The following TNPO3 variants were observed in gnomAD, a reference collection of about 807,000 sequenced individuals.
TNPO3 encodes transportin 3.
TNPO3 carries 65 observed loss-of-function variants against 122.8 expected under a neutral mutation model. The observed-to-expected ratio is 0.53, with a 90% confidence interval of 0.43 to 0.65. TNPO3 has a LOEUF of 0.65. Ranked by LOEUF, TNPO3 falls within the 30% of genes least tolerant of loss-of-function variation. The pLI, the probability that TNPO3 is intolerant of heterozygous loss-of-function variation, is 0.00. For synonymous variants in TNPO3, 372 were observed against 411.2 expected, an observed-to-expected ratio of 0.90 and a Z score of 1.15; for missense variants, 850 against 1,136.7, an observed-to-expected ratio of 0.75 and a Z score of 3.63.
rs1803924867 is a variant in TNPO3, at chr7:129,016,997, T to G, written c.381A>C (p.Gln127His). ...AAATTACTTACTTTTCCACCAGTGT[T>G]TGCACACATCCCTTCCAGGAAGGCA... ...LQMPSWKGCVQTLVEKYSNDV... is the reference protein window; with the variant it reads ...LQMPSWKGCVHTLVEKYSNDV... Residue 127 changes from glutamine (Q) to histidine (H), a missense_variant, in exon 3 of 23, where the codon CAA becomes CAC. Physicochemically the swap from Gln to His is conservative, Grantham distance 24. Transcript: ENST00000265388. 6 of 1,613,250 alleles carry G rather than the reference T, an allele frequency of 3.7e-6. No individual in the cohort carries two copies. The highest frequency in any genetic ancestry group is 5.1e-6 in the Non-Finnish European group (6 of 1,179,964).
chr7:129,044,300 T>C (rs1807761190), intron 1 of TNPO3, among the ~76,000 whole-genome samples: 1 of 152,222 alleles, frequency 6.6e-6, no homozygotes, highest in African/African-American at 2.4e-5. Context: ...GTTCCAAATA[T>C]ATTCTCTTGC....
At chr7:129,027,712 C>A (rs1458374216) in intron 1 of TNPO3, among the ~76,000 whole-genome samples, 1 of 151,916 alleles carries the variant, frequency 6.6e-6, no homozygotes, top group Non-Finnish European at 1.5e-5. Flanking sequence ...TCAGTTCACT[C>A]TTTGGCTCCA....
intron 18 of TNPO3, among the ~76,000 whole-genome samples, chr7:128,973,732 T>A (rs1798731779): frequency 2.0e-4 from 3 of 14,874 alleles, no homozygotes; most frequent in Non-Finnish European, 3.6e-4. Flanking sequence ...CGAGACTCCG[T>A]CTCAAAAAAA....
chr7:129,027,558 CAAAAAAAAAAAAAAAA>C (rs71162549), intron 1 of TNPO3, among the ~76,000 whole-genome samples: 7 of 8,962 alleles, frequency 7.8e-4, no homozygotes, highest in African/African-American at 2.3e-3. Context: ...AAGACTGTCT[CAAAAAAAAAAAAAAAA>C]AAAAAAAAAA....
In TNPO3 at chr7:128,957,747, T is replaced by C. The variant is rs148018773; in HGVS notation, c.2712-432A>G. ...TGTAGGCTGCTACAACAACACTTGG[T>C]TGCTACGGCTCTCATAAGTTTCCTC... On this transcript the variant is annotated intron_variant, in intron 21 of 22. Coordinates refer to ENST00000265388, the MANE Select transcript of TNPO3 (RefSeq NM_012470.4). 9.4e-3 allele frequency among the ~76,000 whole-genome samples: 1,432 copies of C among 152,340 alleles called. 29 individuals are homozygous for C. Among genetic ancestry groups the C allele is most frequent in the African/African-American group, 0.029 (1,225 of 41,574 alleles).
chr7:128,994,781 C>T (rs575551426), intron 8 of TNPO3, among the ~76,000 whole-genome samples: 4 of 152,154 alleles, frequency 2.6e-5, no homozygotes, highest in African/African-American at 4.8e-5. Flanking sequence ...ACCTCAGCCC[C>T]GGAGCAGCTG....
intron 1 of TNPO3, among the ~76,000 whole-genome samples, chr7:129,021,831 G>GA (rs1441315100): frequency 4.0e-5 from 6 of 151,882 alleles, no homozygotes; most frequent in South Asian, 4.2e-4. Flanking sequence ...AAAATCTCAG[G>GA]AAAAAAATCA....
Position 128,955,292 on chromosome 7 carries a change from C to T in TNPO3, c.*125G>A, listed in dbSNP as rs1462738644. On this transcript the variant is annotated 3_prime_UTR_variant, in exon 23 of 23. Coordinates refer to ENST00000265388, the MANE Select transcript of TNPO3 (RefSeq NM_012470.4). Reference sequence around the variant, plus strand: ...CCTGTCTGGCGGGACACCCTGGTGGCGGTGAAGGCCCCTCTGCCACAACGG... The same window carrying T: ...CCTGTCTGGCGGGACACCCTGGTGGTGGTGAAGGCCCCTCTGCCACAACGG... 1.5e-5 allele frequency: 7 copies of T among 454,696 alleles called. No homozygotes were observed. Among genetic ancestry groups the T allele is most frequent in the African/African-American group, 4.0e-5 (2 of 49,988 alleles). The allele number at this position is 454,696 out of a possible 1,614,324, so 28.2% of individuals were successfully genotyped here.
intron 1 of TNPO3, among the ~76,000 whole-genome samples, chr7:129,021,323 C>A (rs2150450730): frequency 1.3e-5 from 2 of 150,838 alleles, no homozygotes; most frequent in Middle Eastern, 6.8e-3. Flanking sequence ...CCACTGCACT[C>A]CAGCCTGGGT....
At chr7:129,051,929 C>T (rs1477550239) in intron 1 of TNPO3, among the ~76,000 whole-genome samples, 2 of 152,214 alleles carry the variant, frequency 1.3e-5, no homozygotes, top group African/African-American at 4.8e-5. Flanking sequence ...CAGGCGTGAG[C>T]CACTGCACGC....
chr7:128,977,077 A>C (rs530235181), intron 16 of TNPO3, among the ~76,000 whole-genome samples: 66 of 152,346 alleles, frequency 4.3e-4, no homozygotes, highest in Middle Eastern at 6.8e-3. Context: ...ATTAAAAAAA[A>C]CACAAAAACA....
At chr7:129,016,189 G>T (rs1206214748) in intron 3 of TNPO3, among the ~76,000 whole-genome samples, 2 of 152,168 alleles carry the variant, frequency 1.3e-5, no homozygotes, top group African/African-American at 4.8e-5. Flanking sequence ...GATCACTTGA[G>T]GTCAGGAGTT....
chr7:128,972,938 T>TGG (rs1053229766), intron 18 of TNPO3, among the ~76,000 whole-genome samples: 2 of 151,954 alleles, frequency 1.3e-5, no homozygotes, highest in African/African-American at 4.8e-5. Context: ...CTGTGTGTGT[T>TGG]AGGAGGGAGG....
At chr7:128,957,190 G>A (rs1299707021) in intron 22 of TNPO3, 34 bp downstream of exon 22, 2 of 1,578,928 alleles carry the variant, frequency 1.3e-6, no homozygotes, top group African/African-American at 2.7e-5. Flanking sequence ...CAGTCCGACA[G>A]TCCGGACAAA....
intron 21 of TNPO3, among the ~76,000 whole-genome samples, chr7:128,959,246 G>C (rs761212893): frequency 2.6e-5 from 4 of 152,180 alleles, no homozygotes; most frequent in East Asian, 1.9e-4. Context: ...TATCACAAGG[G>C]ACTAGGATAA....
chr7:129,000,768 A>C (rs1052123270), intron 6 of TNPO3, among the ~76,000 whole-genome samples: 1 of 152,236 alleles, frequency 6.6e-6, no homozygotes, highest in African/African-American at 2.4e-5. Flanking sequence ...GTCAGTTCAA[A>C]TTCTCAATTA....
At chr7:129,004,198 C>T (rs1802323170) in intron 5 of TNPO3, among the ~76,000 whole-genome samples, 1 of 152,138 alleles carries the variant, frequency 6.6e-6, no homozygotes, top group South Asian at 2.1e-4. Context: ...TTCACAGTGG[C>T]ATCAATCTAG....
At position 128,990,062 on chromosome 7, in the gene TNPO3, A is replaced by G. The variant is rs1447132498; in HGVS notation, c.1397T>C (p.Val466Ala). Residue 466 changes from valine (V) to alanine (A), a missense_variant, in exon 11 of 23, where the codon GTT (valine) becomes GCT (alanine). Coordinates refer to ENST00000265388, the MANE Select transcript of TNPO3 (RefSeq NM_012470.4). ...NPTLVEVLEG[V>A]VRLPETVHTA... ...ATGTACGGTCTCCGGGAGGCGGACA[A>G]CTCCTTCTAGGACTTCCACAAGTGT... 1 of 1,613,932 alleles carries G rather than the reference A, an allele frequency of 6.2e-7. No homozygotes were observed. The highest frequency in any genetic ancestry group is 8.5e-7 in the Non-Finnish European group (1 of 1,179,996).
intron 1 of TNPO3, among the ~76,000 whole-genome samples, chr7:129,052,206 G>A (rs55706405): frequency 0.045 from 6,809 of 152,236 alleles, 211 homozygotes; most frequent in Middle Eastern, 0.11. Flanking sequence ...CCTGGCTTCC[G>A]GTTGGGTTTG....
Sources: allele counts gnomAD v4.1 joint callset (sites outside exome capture counted in the v4.1 genomes callset), GRCh38; gene constraint gnomAD v4.1.1; transcripts MANE v1.5; gene names NCBI Gene and HGNC (gene_info 2026-07-23, HGNC 2026-07-21).